Variants in FGF14 observed in about 807,000 individuals in gnomAD.
The protein encoded by FGF14 is fibroblast growth factor 14, also known as fibroblast growth factor homologous factor 4.
Under a neutral mutation model 25.5 loss-of-function variants are expected in FGF14, and 5 were observed. The observed-to-expected ratio is 0.20, with a 90% CI of 0.10 to 0.41. The LOEUF is 0.41. FGF14 is among the 10% of genes least tolerant of loss of function. FGF14 has a pLI of 1.00. For synonymous variants in FGF14, 138 were observed against 118.3 expected (o/e 1.17, Z -1.08); for missense variants, 222 against 320.1 (o/e 0.69, Z 2.34).
At chr13:102,396,672 G>A (rs900996547) in intron 1 of FGF14, among the ~76,000 whole-genome samples, 2 of 152,232 alleles carry the variant, frequency 1.3e-5, no homozygotes, top group Non-Finnish European at 2.9e-5. Context: ...AATTTTCTCA[G>A]TTATGGATGC....
intron 3 of FGF14, among the ~76,000 whole-genome samples, chr13:101,784,250 T>G (rs1417396926): frequency 6.6e-6 from 1 of 152,242 alleles, no homozygotes; most frequent in Non-Finnish European, 1.5e-5. Context: ...ATCTACAATG[T>G]GGTCCCAATA....
chr13:102,075,367 T>C (rs1047327746), intron 1 of FGF14, among the ~76,000 whole-genome samples: 2 of 152,194 alleles, frequency 1.3e-5, no homozygotes, highest in African/African-American at 4.8e-5. Context: ...ACAATGAATT[T>C]GGTTAATGAC....
intron 1 of FGF14, among the ~76,000 whole-genome samples, chr13:102,365,377 G>A (rs776133580): frequency 4.6e-5 from 7 of 151,972 alleles, no homozygotes; most frequent in East Asian, 3.8e-4. Flanking sequence ...CTTTATCCTC[G>A]ACTAACTATG....
At chr13:102,283,971 C>T (rs141465394) in intron 1 of FGF14, among the ~76,000 whole-genome samples, 1 of 152,256 alleles carries the variant, frequency 6.6e-6, no homozygotes, top group Non-Finnish European at 1.5e-5. Flanking sequence ...AGTCAATCAT[C>T]GTTGGCACTT....
intron 3 of FGF14, among the ~76,000 whole-genome samples, chr13:101,730,692 T>C (rs2139713209): frequency 6.6e-6 from 1 of 152,192 alleles, no homozygotes; most frequent in South Asian, 2.1e-4. Context: ...TAAAGTCCAG[T>C]AGGTGGAAAT....
chr13:101,815,515 C>T (rs990131798), intron 3 of FGF14, among the ~76,000 whole-genome samples: 12 of 152,126 alleles, frequency 7.9e-5, no homozygotes, highest in Non-Finnish European at 1.3e-4. Flanking sequence ...TTAAGAAGCA[C>T]TGAAAACAAG....
intron 3 of FGF14, among the ~76,000 whole-genome samples, chr13:101,800,496 C>T (rs985512069): frequency 7.2e-5 from 11 of 152,210 alleles, no homozygotes; most frequent in African/African-American, 2.4e-4. Context: ...GCTGTTTGCA[C>T]GAATCTAAAA....
intron 3 of FGF14, among the ~76,000 whole-genome samples, chr13:101,818,318 A>G (rs1006084673): frequency 1.3e-5 from 2 of 152,212 alleles, no homozygotes; most frequent in African/African-American, 4.8e-5. Context: ...CAACCATACT[A>G]TACATTTTGC....
chr13:101,804,263 C>T (rs2041070927), intron 3 of FGF14, among the ~76,000 whole-genome samples: 1 of 152,034 alleles, frequency 6.6e-6, no homozygotes, highest in Non-Finnish European at 1.5e-5. Flanking sequence ...GTGGACACCA[C>T]ATTAAAGTGG....
At chr13:102,142,698 G>A (rs1174129228) in intron 1 of FGF14, among the ~76,000 whole-genome samples, 1 of 152,174 alleles carries the variant, frequency 6.6e-6, no homozygotes, top group Non-Finnish European at 1.5e-5. Flanking sequence ...GGATAAAAGT[G>A]ATGAGTTGGT....
At position 102,315,669 on chromosome 13, in the gene FGF14, C is replaced by T. The variant is rs571671708; in HGVS notation, c.208+85802G>A. Among the ~76,000 whole-genome samples the T allele has an allele frequency of 8.5e-5, 13 of 152,192 alleles. No homozygotes were observed. In the South Asian group the frequency reaches 2.5e-3, roughly 29 times the overall value. On this transcript the variant is annotated intron_variant, in intron 1 of 4. Coordinates refer to the FGF14 transcript ENST00000376131. ...TAGTTGAGGATCCCCTAGCATTTCA[C>T]AAAACAAGAGTTGGAATTTTCTGTC... is the stretch of plus-strand genomic sequence containing the variant.
In FGF14 at chr13:102,288,426, T is replaced by C. The variant is rs139108882; in HGVS notation, c.208+113045A>G. ...TAAAACAAAACAAGTACTTTGACTC[T>C]CTCAGAAGAAAAATATTATTCCCAT... is the stretch of plus-strand genomic sequence containing the variant. On this transcript the variant is annotated intron_variant, in intron 1 of 4. Coordinates refer to the FGF14 transcript ENST00000376131. Among the ~76,000 whole-genome samples the C allele has an allele frequency of 3.6e-3, 545 of 152,276 alleles. 1 individual carries two copies. The highest frequency in any genetic ancestry group is 0.012 in the African/African-American group (513 of 41,568).
At chr13:102,102,413 G>A (rs969631281) in intron 1 of FGF14, among the ~76,000 whole-genome samples, 1 of 152,200 alleles carries the variant, frequency 6.6e-6, no homozygotes, top group African/African-American at 2.4e-5. Flanking sequence ...TGTTTTTGGA[G>A]AATTGTATTG....
intron 1 of FGF14, among the ~76,000 whole-genome samples, chr13:102,396,602 C>T (rs768250923): frequency 6.6e-6 from 1 of 152,120 alleles, no homozygotes; most frequent in African/African-American, 2.4e-5. Flanking sequence ...TTGTAGGAAA[C>T]GTGAAGTATA....
chr13:101,742,525 TAAC>T (rs919573277), intron 3 of FGF14, among the ~76,000 whole-genome samples: 3 of 152,184 alleles, frequency 2.0e-5, no homozygotes, highest in African/African-American at 7.2e-5. Flanking sequence ...AGCATCTTAC[TAAC>T]AACTGTCTTG....
chr13:102,161,629 AAGAAGAAGAAGAAGAAGAAGAAGAAGAAG>A (rs2047709023), intron 1 of FGF14, among the ~76,000 whole-genome samples: 2 of 8,702 alleles, frequency 2.3e-4, no homozygotes, highest in Admixed American at 1.6e-3. Context: ...GAAGAAGAAG[AAGAAGAAGAAGAAGAAGAAGAAGAAGAAG>A]AAGAAGAAGA....
chr13:102,009,261 C>G (rs1202375024), intron 1 of FGF14, among the ~76,000 whole-genome samples: 1 of 151,984 alleles, frequency 6.6e-6, no homozygotes, highest in African/African-American at 2.4e-5. Context: ...AAACTTCTTT[C>G]CATGTGAACA....
At chr13:102,274,243 A>G (rs1466448814) in intron 1 of FGF14, among the ~76,000 whole-genome samples, 1 of 152,156 alleles carries the variant, frequency 6.6e-6, no homozygotes, top group Non-Finnish European at 1.5e-5. Flanking sequence ...TGCTTTTTGG[A>G]TACTTAATAC....
intron 1 of FGF14, among the ~76,000 whole-genome samples, chr13:102,264,303 G>T (rs2052872335): frequency 6.6e-6 from 1 of 152,088 alleles, no homozygotes; most frequent in Non-Finnish European, 1.5e-5. Context: ...CAAAGTTGAG[G>T]CTCAAAAAAA....
Sources: gnomAD v4.1 joint callset for allele counts (sites outside exome capture counted in the v4.1 genomes callset) on GRCh38, gnomAD v4.1.1 for gene constraint, MANE v1.5 for transcripts, NCBI Gene and HGNC (gene_info 2026-07-23, HGNC 2026-07-21) for gene names.